Variants in SKAP2 observed in about 807,000 individuals in gnomAD.
SKAP2 encodes src kinase associated phosphoprotein 2.
Under a neutral mutation model 54.9 loss-of-function variants are expected in SKAP2, and 28 were observed. The observed-to-expected ratio is 0.51, with a 90% confidence interval of 0.38 to 0.70. The LOEUF (loss-of-function observed/expected upper bound fraction) is 0.70. SKAP2 is among the 30% of genes least tolerant of loss of function. The pLI, the probability that SKAP2 is intolerant of heterozygous loss-of-function variation, is 0.00. For missense variants in SKAP2, 356 were observed against 424.1 expected (o/e 0.84, Z 1.41); for synonymous variants, 137 against 134.3 (o/e 1.02, Z -0.14).
intron 3 of SKAP2, among the ~76,000 whole-genome samples, chr7:26,853,700 T>C (rs1785096866): frequency 6.6e-6 from 1 of 152,132 alleles, no homozygotes; most frequent in African/African-American, 2.4e-5. Context: ...TTTCAAAATA[T>C]CCTTCAAAAA....
At chr7:26,719,275 A>C (rs7808068) in intron 9 of SKAP2, among the ~76,000 whole-genome samples, 5,566 of 152,312 alleles carry the variant, frequency 0.037, 336 homozygotes, top group African/African-American at 0.13. Flanking sequence ...GAAGTACATT[A>C]AAGTGAGCTC....
intron 1 of SKAP2, chr7:26,857,449 AC>A: frequency 2.0e-6 from 2 of 984,836 alleles, no homozygotes; most frequent in Non-Finnish European, 2.4e-6. Context: ...TCTACACTTT[AC>A]CCGTTTCTTT....
At chr7:26,803,302 T>C (rs1442066129) in intron 4 of SKAP2, among the ~76,000 whole-genome samples, 1 of 152,100 alleles carries the variant, frequency 6.6e-6, no homozygotes, top group African/African-American at 2.4e-5. Context: ...AATCAAAAAA[T>C]AGGCAAAACC....
chr7:26,719,903 A>T (rs1787540208), intron 9 of SKAP2, among the ~76,000 whole-genome samples: 1 of 152,240 alleles, frequency 6.6e-6, no homozygotes, highest in Non-Finnish European at 1.5e-5. Context: ...GTGATAAACC[A>T]AAAGTTGTCT....
rs1174452200 is a variant in SKAP2, at chr7:26,726,935, C to T, written c.541G>A (p.Gly181Arg). Reference protein sequence around the residue: ...VRMNNTLRKDGKKDCCFEISA... With the variant: ...VRMNNTLRKDRKKDCCFEISA... ...ATTTCAAAACAGCAATCTTTCTTTC[C>T]ATCCTTTCTTAGAGTGTTATTCATT... Residue 181 changes from glycine (G) to arginine (R), a missense_variant, in exon 7 of 13, where the codon GGA (glycine) becomes AGA (arginine). Gly to Arg is a moderately radical substitution (Grantham distance 125). Transcript: ENST00000345317. 1 of 1,610,462 alleles carries T rather than the reference C, an allele frequency of 6.2e-7. No individual in the cohort carries two copies. Among genetic ancestry groups the T allele is most frequent in the Admixed American group, 1.7e-5 (1 of 59,680 alleles).
At chr7:26,752,305 C>T (rs1782702948) in intron 4 of SKAP2, among the ~76,000 whole-genome samples, 1 of 152,112 alleles carries the variant, frequency 6.6e-6, no homozygotes. Flanking sequence ...AAAGAAATTT[C>T]TCCCATGGTT....
At chr7:26,857,587 A>G (rs1785198124) in intron 1 of SKAP2, 2 of 985,278 alleles carry the variant, frequency 2.0e-6, no homozygotes. Flanking sequence ...AAGCGCCGCA[A>G]AGAAGTTGTA....
intron 9 of SKAP2, among the ~76,000 whole-genome samples, chr7:26,697,289 G>C (rs139052518): frequency 6.6e-6 from 1 of 152,098 alleles, no homozygotes; most frequent in African/African-American, 2.4e-5. Flanking sequence ...GTATACACTC[G>C]ATCACCTACA....
intron 3 of SKAP2, among the ~76,000 whole-genome samples, chr7:26,850,490 T>C (rs1473744896): frequency 6.6e-6 from 1 of 151,620 alleles, no homozygotes; most frequent in African/African-American, 2.4e-5. Flanking sequence ...AAGGATCACC[T>C]TAGCCTCCCA....
At chr7:26,839,662 C>A (rs961809806) in intron 4 of SKAP2, among the ~76,000 whole-genome samples, 8 of 151,746 alleles carry the variant, frequency 5.3e-5, no homozygotes, top group Non-Finnish European at 8.8e-5. Context: ...TGAAAAAAAC[C>A]TTTTTTTCCA....
At chr7:26,755,598 C>G (rs949631622) in intron 4 of SKAP2, among the ~76,000 whole-genome samples, 1 of 152,072 alleles carries the variant, frequency 6.6e-6, no homozygotes, top group Non-Finnish European at 1.5e-5. Flanking sequence ...TGAGCTCTCC[C>G]CACCTCCATT....
At chr7:26,819,038 G>C (rs1008105369) in intron 4 of SKAP2, among the ~76,000 whole-genome samples, 1 of 152,140 alleles carries the variant, frequency 6.6e-6, no homozygotes, top group African/African-American at 2.4e-5. Flanking sequence ...TCTGGAACCA[G>C]AAATACCATT....
chr7:26,759,142 A>T (rs1782868038), intron 4 of SKAP2, among the ~76,000 whole-genome samples: 2 of 152,226 alleles, frequency 1.3e-5, no homozygotes, highest in African/African-American at 4.8e-5. Flanking sequence ...TGGGGAAATG[A>T]ATTTTATGGC....
intron 4 of SKAP2, among the ~76,000 whole-genome samples, chr7:26,825,208 T>C (rs1186717887): frequency 2.0e-5 from 3 of 152,196 alleles, no homozygotes; most frequent in Non-Finnish European, 2.9e-5. Context: ...ACAGTACTTA[T>C]GGTATGCATT....
intron 4 of SKAP2, among the ~76,000 whole-genome samples, chr7:26,779,656 T>A (rs1033684177): frequency 1.3e-5 from 2 of 152,136 alleles, no homozygotes; most frequent in East Asian, 1.9e-4. Flanking sequence ...ACGACTTGAT[T>A]TCAAGGCAAT....
intron 4 of SKAP2, among the ~76,000 whole-genome samples, chr7:26,813,585 C>T (rs1273244252): frequency 3.3e-5 from 5 of 152,202 alleles, no homozygotes; most frequent in African/African-American, 1.2e-4. Flanking sequence ...ATCAAATAGC[C>T]CAGCTCAGCA....
chr7:26,812,976 G>A (rs1286839938), intron 4 of SKAP2, among the ~76,000 whole-genome samples: 1 of 152,052 alleles, frequency 6.6e-6, no homozygotes, highest in African/African-American at 2.4e-5. Flanking sequence ...TCTATTAAAG[G>A]TAAGTTCATT....
chr7:26,857,599 G>GGATGCTCCAGTTGTAGA, intron 1 of SKAP2: 1 of 985,346 alleles, frequency 1.0e-6, no homozygotes, highest in Non-Finnish European at 1.2e-6. Flanking sequence ...GAAGTTGTAG[G>GGATGCTCCAGTTGTAGA]GCTGCGAGAT....
At chr7:26,791,458 G>C (rs938461215) in intron 4 of SKAP2, among the ~76,000 whole-genome samples, 1 of 151,958 alleles carries the variant, frequency 6.6e-6, no homozygotes, top group African/African-American at 2.4e-5. Context: ...TTATAGGTGT[G>C]AACCACCACA....
Sources: gnomAD v4.1 joint callset for allele counts (sites outside exome capture counted in the v4.1 genomes callset) on GRCh38, gnomAD v4.1.1 for gene constraint, MANE v1.5 for transcripts, NCBI Gene and HGNC (gene_info 2026-07-23, HGNC 2026-07-21) for gene names.